GALNT16: variants seen among roughly 807,000 people sequenced by gnomAD.
The protein encoded by GALNT16 is polypeptide N-acetylgalactosaminyltransferase 16.
GALNT16 carries 40 observed loss-of-function variants against 76.1 expected under a neutral mutation model. The ratio of observed to expected loss-of-function variants is 0.53; its 90% CI spans 0.41 to 0.68. The LOEUF (loss-of-function observed/expected upper bound fraction) is 0.68. Among genes scored for constraint, GALNT16 ranks in the 30% least tolerant of loss-of-function variants. The pLI, the probability that GALNT16 is intolerant of heterozygous loss-of-function variation, is 0.00. For synonymous variants in GALNT16, 276 were observed against 285.2 expected, an observed-to-expected ratio of 0.97 and a Z score of 0.32; for missense variants, 621 against 731.9, an observed-to-expected ratio of 0.85 and a Z score of 1.75.
chr14:69,328,353 A>G (rs2045310848), intron 5 of GALNT16, 97 bp from the exon 6 acceptor site: 1 of 1,253,502 alleles, frequency 8.0e-7, no homozygotes, highest in African/African-American at 1.5e-5. Flanking sequence ...AGGAAGCCTC[A>G]GCCCCTGAAG....
intron 1 of GALNT16, among the ~76,000 whole-genome samples, chr14:69,268,946 G>C (rs1201733478): frequency 6.6e-6 from 1 of 152,162 alleles, no homozygotes; most frequent in Non-Finnish European, 1.5e-5. Context: ...CCACAGCAGA[G>C]GCCAGACACG....
chr14:69,338,678 G>A lies in GALNT16; in HGVS notation c.995G>A (p.Gly332Asp), dbSNP rs762084731. The A allele has an allele frequency of 6.2e-7, 1 of 1,613,632 alleles. No individual in the cohort carries two copies. Among genetic ancestry groups the A allele is most frequent in the Non-Finnish European group, 8.5e-7 (1 of 1,179,826 alleles). The change falls in exon 10 of 15, where the codon GGT becomes GAT. Residue 332 changes from glycine (G) to aspartate (D), a missense_variant. Gly to Asp is a moderately conservative substitution (Grantham distance 94). Transcript: ENST00000448469. The stretch of plus-strand genomic sequence containing the variant: ...CTCTCCTTCAGGGTGTGGATGTGTG[G>A]TGGCAGTCTGGAGATCGTCCCCTGC... ...FELSFRVWMCGGSLEIVPCSR... is the reference protein window; with the variant it reads ...FELSFRVWMCDGSLEIVPCSR...
intron 6 of GALNT16, among the ~76,000 whole-genome samples, chr14:69,331,136 T>G (rs551582450): frequency 5.7e-4 from 87 of 152,032 alleles, no homozygotes; most frequent in Non-Finnish European, 1.1e-3. Context: ...ATTGTAAGAG[T>G]AGCTTAAAAG....
In GALNT16 at chr14:69,338,768, C is replaced by G. The variant is rs750272928; in HGVS notation, c.1085C>G (p.Thr362Ser). 1 of 1,612,254 alleles carries G rather than the reference C, an allele frequency of 6.2e-7. No homozygotes were observed. Among genetic ancestry groups the G allele is most frequent in the African/African-American group, 1.3e-5 (1 of 74,808 alleles). The change falls in exon 10 of 15, where the codon ACC becomes AGC. Residue 362 changes from threonine to serine, a missense_variant. Transcript: ENST00000448469. ...AACTTCCCTGAGGGTAATGCCCTCA[C>G]CTACATCAGGTAGGTCACCGAGAAA... ...PYNFPEGNALTYIRNTKRTAE... is the reference protein window; with the variant it reads ...PYNFPEGNALSYIRNTKRTAE...
At chr14:69,368,587 C>A in the GALNT16 span, among the ~76,000 whole-genome samples, 8 of 152,200 alleles carry the variant, frequency 5.3e-5, no homozygotes, top group Non-Finnish European at 1.0e-4. Flanking sequence ...GATCTCATTA[C>A]TTCTGCTGTA....
At chr14:69,358,195 A>T (rs985822396), downstream of GALNT16, 4 of 152,270 alleles carry the variant, frequency 2.6e-5, no homozygotes, top group Non-Finnish European at 4.4e-5. Flanking sequence ...TGGCAGGAGA[A>T]CCAGGAGGTA....
chr14:69,341,812 G>T (rs754281378), intron 12 of GALNT16, 48 bp downstream of exon 12: 2 of 1,321,272 alleles, frequency 1.5e-6, no homozygotes, highest in African/African-American at 1.4e-5. Flanking sequence ...GTAGGGGGTG[G>T]TTGGGGCCAG....
intron 1 of GALNT16, among the ~76,000 whole-genome samples, chr14:69,260,918 G>A (rs1009891309): frequency 1.3e-5 from 2 of 152,132 alleles, no homozygotes; most frequent in Admixed American, 1.3e-4. Context: ...GGGGGCAGAG[G>A]ACATCGGGTG....
chr14:69,359,214 C>T (rs956059161), downstream of GALNT16: 3 of 152,230 alleles, frequency 2.0e-5, no homozygotes, highest in Non-Finnish European at 4.4e-5. Flanking sequence ...CCTGCTCCAG[C>T]TTCATACCTC....
At chr14:69,291,668 C>T (rs1041671320) in intron 1 of GALNT16, among the ~76,000 whole-genome samples, 1 of 152,214 alleles carries the variant, frequency 6.6e-6, no homozygotes, top group African/African-American at 2.4e-5. Context: ...ACAATCCTCG[C>T]CTCTGCCAGG....
intron 1 of GALNT16, among the ~76,000 whole-genome samples, chr14:69,312,054 A>ATCTGTCT (rs1555399251): frequency 3.2e-5 from 4 of 125,718 alleles, no homozygotes; most frequent in Admixed American, 1.5e-4. Context: ...AAAAAAAAAA[A>ATCTGTCT]ATCTGTCTAT....
At chr14:69,279,866 G>T (rs1210073412) in intron 1 of GALNT16, among the ~76,000 whole-genome samples, 1 of 152,202 alleles carries the variant, frequency 6.6e-6, no homozygotes, top group Non-Finnish European at 1.5e-5. Context: ...GCTGTTGGGG[G>T]AAGAGACTGC....
intron 12 of GALNT16, among the ~76,000 whole-genome samples, 163 bp from the exon 13 acceptor site, chr14:69,346,877 C>T (rs2045571311): frequency 6.6e-6 from 1 of 152,172 alleles, no homozygotes; most frequent in Admixed American, 6.5e-5. Flanking sequence ...TTCCCAGAGG[C>T]CACTCCTGCT....
chr14:69,270,091 T>C (rs1012313690), intron 1 of GALNT16, among the ~76,000 whole-genome samples: 3 of 152,060 alleles, frequency 2.0e-5, no homozygotes, highest in African/African-American at 7.3e-5. Flanking sequence ...AATTGTTTTC[T>C]GGCAATGCAG....
At chr14:69,348,057 AG>A in intron 14 of GALNT16, 55 bp downstream of exon 14, 1 of 1,590,644 alleles carries the variant, frequency 6.3e-7, no homozygotes, top group South Asian at 1.1e-5. Context: ...GCCATGCCTC[AG>A]GGTGGCAGAC....
chr14:69,372,070 T>A, the GALNT16 span, among the ~76,000 whole-genome samples: 2 of 152,230 alleles, frequency 1.3e-5, no homozygotes, highest in African/African-American at 4.8e-5. Flanking sequence ...GGACAGCCGG[T>A]CACATAAATG....
chr14:69,309,304 T>C (rs1285215390), intron 1 of GALNT16, among the ~76,000 whole-genome samples: 2 of 150,322 alleles, frequency 1.3e-5, no homozygotes, highest in Non-Finnish European at 3.0e-5. Flanking sequence ...TTTCCTTCTT[T>C]TTTTTTTTTT....
chr14:69,287,291 A>G (rs1346981240), intron 1 of GALNT16, among the ~76,000 whole-genome samples: 1 of 152,236 alleles, frequency 6.6e-6, no homozygotes, highest in Non-Finnish European at 1.5e-5. Flanking sequence ...TTCCCTGGGG[A>G]CAGGAGCCTC....
chr14:69,278,953 C>G (rs2044506792), intron 1 of GALNT16, among the ~76,000 whole-genome samples: 1 of 147,786 alleles, frequency 6.8e-6, no homozygotes, highest in Admixed American at 6.8e-5. Context: ...TTTTTTGAGA[C>G]AAAGTCTCAC....
Sources: allele counts gnomAD v4.1 joint callset (sites outside exome capture counted in the v4.1 genomes callset), GRCh38; gene constraint gnomAD v4.1.1; transcripts MANE v1.5; gene names NCBI Gene and HGNC (gene_info 2026-07-23, HGNC 2026-07-21).